SMC5: variants seen among roughly 807,000 people sequenced by gnomAD.
SMC5 encodes structural maintenance of chromosomes protein 5.
A neutral mutation model predicts 148.3 loss-of-function variants in SMC5; 88 were observed. The ratio of observed to expected loss-of-function variants is 0.59; its 90% confidence interval spans 0.50 to 0.71. The LOEUF (loss-of-function observed/expected upper bound fraction) is 0.71, where lower values mean the gene tolerates loss of function less well. Among genes scored for constraint, SMC5 ranks in the 30% least tolerant of loss-of-function variants. The pLI, the probability that SMC5 is intolerant of heterozygous loss-of-function variation, is 0.00. For missense variants in SMC5, 1,142 were observed against 1,298.9 expected (o/e 0.88, Z 1.86); for synonymous variants, 421 against 432.8 (o/e 0.97, Z 0.34).
chr9:70,295,165 C>G (rs1467647453), intron 8 of SMC5, among the ~76,000 whole-genome samples: 1 of 151,904 alleles, frequency 6.6e-6, no homozygotes, highest in Non-Finnish European at 1.5e-5. Flanking sequence ...TCCATTAGAA[C>G]AAGAAGAGGG....
intron 11 of SMC5, among the ~76,000 whole-genome samples, chr9:70,307,292 G>A (rs1307301297): frequency 6.6e-6 from 1 of 152,002 alleles, no homozygotes; most frequent in Non-Finnish European, 1.5e-5. Flanking sequence ...GTAATTGTTT[G>A]TGTGGAGATA....
chr9:70,289,785 A>T (rs1778776252), intron 8 of SMC5, among the ~76,000 whole-genome samples: 1 of 151,888 alleles, frequency 6.6e-6, no homozygotes, highest in Admixed American at 6.6e-5. Context: ...TCTCCCATCT[A>T]ATTAAGAAAA....
chr9:70,307,251 G>A lies in SMC5; in HGVS notation c.1578+1891G>A, dbSNP rs112407131. Among the ~76,000 whole-genome samples the A allele has an allele frequency of 7.4e-3, 1,132 of 152,180 alleles. 19 individuals carry two copies. Among genetic ancestry groups the A allele is most frequent in the African/African-American group, 0.025 (1,022 of 41,518 alleles). On this transcript the variant is annotated intron_variant, in intron 11 of 24. Transcript: ENST00000361138. ...CTGCTACACATACAAAAATTAACCG[G>A]GTGGGGTGGTGTGCACTATTTTTTC...
At chr9:70,315,854 A>G (rs2035787886) in intron 13 of SMC5, among the ~76,000 whole-genome samples, 1 of 152,112 alleles carries the variant, frequency 6.6e-6, no homozygotes, top group Non-Finnish European at 1.5e-5. Flanking sequence ...AGAGATACCT[A>G]GTACACTAAC....
intron 11 of SMC5, 42 bp downstream of exon 11, chr9:70,305,402 T>C (rs2035470893): frequency 1.7e-6 from 2 of 1,159,782 alleles, no homozygotes; most frequent in African/African-American, 1.6e-5. Context: ...ACTTGACACT[T>C]ACTTTCAGCA....
chr9:70,317,823 A>T (rs1378585627), intron 13 of SMC5, among the ~76,000 whole-genome samples: 1 of 152,204 alleles, frequency 6.6e-6, no homozygotes, highest in Non-Finnish European at 1.5e-5. Flanking sequence ...ATCTATGAAA[A>T]ATGTTTCATT....
In SMC5 at chr9:70,323,515, T is replaced by C; in HGVS notation, c.2183T>C (p.Leu728Pro). 1 of 1,611,720 alleles carries C rather than the reference T, an allele frequency of 6.2e-7. No homozygotes were observed. The highest frequency in any genetic ancestry group is 8.5e-7 in the Non-Finnish European group (1 of 1,179,498). The part of the protein sequence containing the change: ...LKLMEQDTCN[L>P]EEEERKASTK... ...CTGATGGAACAGGATACTTGCAATC[T>C]TGAAGAGGAAGAGCGAAAAGCAAGT... The change falls in exon 16 of 25, where the codon CTT (leucine) becomes CCT (proline). Residue 728 changes from leucine (L) to proline (P), a missense_variant. By Grantham distance (98) the Leu-to-Pro change is moderately conservative. This residue lies in a region of SMC5 where 743 missense variants were observed against 835.7 expected (regional missense o/e 0.89). Transcript: ENST00000361138.
intron 8 of SMC5, among the ~76,000 whole-genome samples, chr9:70,297,155 A>T (rs2035223876): frequency 6.6e-6 from 1 of 152,232 alleles, no homozygotes; most frequent in Admixed American, 6.5e-5. Flanking sequence ...CCCAAGTCCA[A>T]ACACAAAATT....
intron 3 of SMC5, among the ~76,000 whole-genome samples, chr9:70,272,908 AAC>A (rs1336661902): frequency 3.3e-5 from 5 of 152,154 alleles, no homozygotes; most frequent in Admixed American, 6.5e-5. Flanking sequence ...GTAAATTGAG[AAC>A]AGAGTTTATT....
At chr9:70,262,783 A>G (rs1489303600) in intron 1 of SMC5, among the ~76,000 whole-genome samples, 1 of 152,208 alleles carries the variant, frequency 6.6e-6, no homozygotes, top group African/African-American at 2.4e-5. Flanking sequence ...AGTATATGGA[A>G]TGATAAGAGG....
At chr9:70,327,032 A>G (rs2036099490) in intron 17 of SMC5, among the ~76,000 whole-genome samples, 1 of 152,216 alleles carries the variant, frequency 6.6e-6, no homozygotes, top group Non-Finnish European at 1.5e-5. Flanking sequence ...ATACATAATA[A>G]AACCTTAAAG....
In SMC5 at chr9:70,323,611, G is replaced by A. The variant is rs1221375318; in HGVS notation, c.2274+5G>A. 6.2e-6 allele frequency: 10 copies of A among 1,605,956 alleles called. No homozygotes were observed. The highest frequency in any genetic ancestry group is 1.3e-5 in the African/African-American group (1 of 74,478). On this transcript the variant is annotated splice_donor_5th_base_variant and intron_variant, in intron 16 of 24. Coordinates refer to ENST00000361138, the MANE Select transcript of SMC5 (RefSeq NM_015110.4). Reference sequence around the variant, plus strand: ...GAATTAACAAACCTAATAAAGGTAAGGTATTGTTTTAATTTTAGTCATTTT... The same window carrying A: ...GAATTAACAAACCTAATAAAGGTAAAGTATTGTTTTAATTTTAGTCATTTT...
At chr9:70,319,006 A>C (rs2035880615) in intron 15 of SMC5, 43 bp downstream of exon 15, 1 of 1,499,740 alleles carries the variant, frequency 6.7e-7, no homozygotes, top group Admixed American at 2.1e-5. Context: ...AAATTACTGT[A>C]TGGGAGAATA....
intron 1 of SMC5, among the ~76,000 whole-genome samples, chr9:70,260,561 AAAG>A (rs1020999201): frequency 2.0e-5 from 3 of 152,080 alleles, no homozygotes; most frequent in African/African-American, 7.2e-5. Context: ...TCCATTGCTG[AAAG>A]AAGCTCAGTA....
intron 3 of SMC5, among the ~76,000 whole-genome samples, chr9:70,271,706 A>G (rs1331700888): frequency 6.6e-6 from 1 of 152,218 alleles, no homozygotes; most frequent in Non-Finnish European, 1.5e-5. Flanking sequence ...AAATAACCTG[A>G]TCAGGAAAGA....
At chr9:70,317,009 A>G (rs2035820268) in intron 13 of SMC5, among the ~76,000 whole-genome samples, 1 of 152,066 alleles carries the variant, frequency 6.6e-6, no homozygotes, top group African/African-American at 2.4e-5. Flanking sequence ...ACTCAGTTCT[A>G]TGTTGTATAT....
intron 17 of SMC5, among the ~76,000 whole-genome samples, chr9:70,340,028 C>G (rs529304969): frequency 2.5e-4 from 38 of 152,158 alleles, no homozygotes; most frequent in African/African-American, 8.7e-4. Flanking sequence ...AAGTATGATA[C>G]CTACCTAATT....
chr9:70,298,501 A>G (rs1389095507), intron 9 of SMC5, among the ~76,000 whole-genome samples: 1 of 152,092 alleles, frequency 6.6e-6, no homozygotes, highest in African/African-American at 2.4e-5. Context: ...GTCACTCACT[A>G]TTACTCATAT....
chr9:70,353,987 C>T lies in SMC5; in HGVS notation c.*1656C>T, dbSNP rs1306371589. ...AATGAGTATCAATGTGAAAAAGACACGTGAAGATTAAGCATGTTTGAAAAT... is the reference window on the plus strand; with the variant it reads ...AATGAGTATCAATGTGAAAAAGACATGTGAAGATTAAGCATGTTTGAAAAT... On this transcript the variant is annotated 3_prime_UTR_variant, in exon 25 of 25. Transcript: ENST00000361138. The T allele has an allele frequency of 2.0e-5, 3 of 152,072 alleles. No homozygotes were observed. Among genetic ancestry groups the T allele is most frequent in the Non-Finnish European group, 4.4e-5 (3 of 68,022 alleles). The allele number at this position is 152,072 out of a possible 1,614,324, so 9.4% of individuals were successfully genotyped here.
Sources: allele counts gnomAD v4.1 joint callset (sites outside exome capture counted in the v4.1 genomes callset), GRCh38; gene constraint gnomAD v4.1.1; regional missense constraint gnomAD v4.1.1; transcripts MANE v1.5; gene names NCBI Gene and HGNC (gene_info 2026-07-23, HGNC 2026-07-21).